PPM1B: variants seen among roughly 807,000 people sequenced by gnomAD.
The protein encoded by PPM1B is protein phosphatase 1B.
Under a neutral mutation model 43.0 loss-of-function variants are expected in PPM1B, and 22 were observed. That is an observed-to-expected ratio of 0.51 (90% CI 0.37 to 0.73). The LOEUF (loss-of-function observed/expected upper bound fraction) is 0.73. Ranked by LOEUF, PPM1B falls within the 30% of genes least tolerant of loss-of-function variation. PPM1B has a pLI of 0.00. For missense variants in PPM1B, 632 were observed against 584.2 expected, an observed-to-expected ratio of 1.08 and a Z score of -0.84; for synonymous variants, 217 against 197.9, an observed-to-expected ratio of 1.10 and a Z score of -0.81.
Position 44,214,643 on chromosome 2 carries a change from G to C in PPM1B, c.965-3324G>C, listed in dbSNP as rs558575044. ...TACTAAGAGGAAGCATCAACATAAG[G>C]GGTTTCTGGCTAAACTGACTTGATA... is the stretch of plus-strand genomic sequence containing the variant. On this transcript the variant is annotated intron_variant, in intron 3 of 5. Coordinates refer to ENST00000282412, the MANE Select transcript of PPM1B (RefSeq NM_002706.6). Among the ~76,000 whole-genome samples, 429 of 152,122 alleles carry C rather than the reference G, an allele frequency of 2.8e-3. 3 individuals carry two copies. The highest frequency in any genetic ancestry group is 0.014 in the South Asian group (66 of 4,814).
intron 1 of PPM1B, among the ~76,000 whole-genome samples, chr2:44,183,568 C>A (rs1312647413): frequency 6.6e-6 from 1 of 152,108 alleles, no homozygotes; most frequent in Non-Finnish European, 1.5e-5. Flanking sequence ...TCATCACCAC[C>A]CAGTAAAGCC....
intron 1 of PPM1B, among the ~76,000 whole-genome samples, chr2:44,190,635 A>T (rs1668365887): frequency 6.6e-6 from 1 of 152,138 alleles, no homozygotes; most frequent in Admixed American, 6.5e-5. Flanking sequence ...GATACATTTA[A>T]ATGAGTTGAT....
chr2:44,228,783 T>C (rs1363036218), intron 5 of PPM1B, among the ~76,000 whole-genome samples: 1 of 152,206 alleles, frequency 6.6e-6, no homozygotes, highest in Non-Finnish European at 1.5e-5. Context: ...TTATTTTTCT[T>C]TTTATATCTA....
downstream of PPM1B, among the ~76,000 whole-genome samples, chr2:44,236,114 G>A (rs960609441): frequency 5.3e-5 from 8 of 151,858 alleles, 1 homozygote; most frequent in South Asian, 1.5e-3. Context: ...TTATAATGAA[G>A]GCCAGGCGCA....
At position 44,180,466 on chromosome 2, in the gene PPM1B, C is replaced by T. The variant is rs75703862; in HGVS notation, c.-15+11192C>T. On this transcript the variant is annotated intron_variant, in intron 1 of 5. Transcript: ENST00000282412. ...AAATAAAATTGCTGGAAATCAAGGACTGCTTGTACTTAGTAAATGTTGCAG... is the reference window on the plus strand; with the variant it reads ...AAATAAAATTGCTGGAAATCAAGGATTGCTTGTACTTAGTAAATGTTGCAG... 2.8e-3 allele frequency among the ~76,000 whole-genome samples: 432 copies of T among 152,292 alleles called. 2 individuals are homozygous for T. Among genetic ancestry groups the T allele is most frequent in the African/African-American group, 0.01 (419 of 41,548 alleles).
chr2:44,209,669 C>T (rs867018108), intron 3 of PPM1B, among the ~76,000 whole-genome samples: 2 of 150,726 alleles, frequency 1.3e-5, no homozygotes, highest in South Asian at 2.1e-4. Flanking sequence ...CCCAGCTACT[C>T]GGGAGGCTGA....
At chr2:44,234,500 A>C, downstream of PPM1B, 1 of 949,164 alleles carries the variant, frequency 1.1e-6, no homozygotes, top group Non-Finnish European at 1.2e-6. Context: ...GCCTGGCGAC[A>C]GAGCGAGACT....
At chr2:44,180,193 A>T (rs968618016) in intron 1 of PPM1B, among the ~76,000 whole-genome samples, 1 of 152,120 alleles carries the variant, frequency 6.6e-6, no homozygotes, top group African/African-American at 2.4e-5. Flanking sequence ...CTTTTCCTTC[A>T]TATATTTCTC....
chr2:44,246,533 G>C (rs546041540), downstream of PPM1B, among the ~76,000 whole-genome samples: 1 of 152,260 alleles, frequency 6.6e-6, no homozygotes, highest in East Asian at 1.9e-4. Context: ...CTCTTCAGTA[G>C]GATGCAAATT....
chr2:44,244,200 A>ATG, intron 5 of PPM1B: 1 of 1,155,068 alleles, frequency 8.7e-7, no homozygotes. Context: ...ATATATATAT[A>ATG]TATTTCAATT....
intron 1 of PPM1B, among the ~76,000 whole-genome samples, chr2:44,183,434 A>T (rs1231078072): frequency 6.6e-6 from 1 of 152,242 alleles, no homozygotes; most frequent in Admixed American, 6.5e-5. Flanking sequence ...AATAATAGGC[A>T]TTTAACTGGA....
chr2:44,193,186 A>G (rs970576437), intron 1 of PPM1B, among the ~76,000 whole-genome samples: 3 of 152,184 alleles, frequency 2.0e-5, no homozygotes, highest in African/African-American at 4.8e-5. Context: ...AACCACCATC[A>G]GTGTACAAAG....
intron 5 of PPM1B, among the ~76,000 whole-genome samples, chr2:44,223,757 G>A (rs762930246): frequency 2.1e-5 from 3 of 141,364 alleles, no homozygotes; most frequent in Non-Finnish European, 4.5e-5. Flanking sequence ...TGGAGCTTGC[G>A]GTGAGCCAAG....
At chr2:44,176,416 T>C (rs1572680632) in intron 1 of PPM1B, among the ~76,000 whole-genome samples, 2 of 152,376 alleles carry the variant, frequency 1.3e-5, no homozygotes, top group East Asian at 3.9e-4. Context: ...TTTGTGCTCT[T>C]AGCAAAGATG....
intron 3 of PPM1B, among the ~76,000 whole-genome samples, chr2:44,217,403 A>G (rs1669773124): frequency 6.6e-6 from 1 of 151,966 alleles, no homozygotes; most frequent in Non-Finnish European, 1.5e-5. Flanking sequence ...CCGTCTCAAA[A>G]AAAAAAAAAA....
chr2:44,220,659 G>A (rs7598385), intron 5 of PPM1B, among the ~76,000 whole-genome samples: 7,663 of 152,258 alleles, frequency 0.05, 648 homozygotes, highest in African/African-American at 0.17. Context: ...AGCTTACACT[G>A]TAGTTATAAA....
At position 44,240,868 on chromosome 2, in the gene PPM1B, C is replaced by G. The variant is rs1481104681; in HGVS notation, n.1547-3360C>G. ...TTGGCTTCCTTACGCAGTGAGCTGT[C>G]TCTTAATACTTTGAAAACATGATGC... On this transcript the variant is annotated intron_variant and non_coding_transcript_variant, in intron 5 of 5. Transcript: ENST00000378540. Among the ~76,000 whole-genome samples the G allele has an allele frequency of 4.1e-5, 6 of 146,122 alleles. 3 individuals carry two copies. The highest frequency in any genetic ancestry group is 7.2e-3 in the Middle Eastern group (2 of 278).
At chr2:44,186,090 G>A (rs911988423) in intron 1 of PPM1B, among the ~76,000 whole-genome samples, 3 of 152,100 alleles carry the variant, frequency 2.0e-5, no homozygotes, top group Non-Finnish European at 4.4e-5. Context: ...TTGTGAATGA[G>A]TATGTTCTGT....
At position 44,169,251 on chromosome 2, in the gene PPM1B, C is replaced by T. The variant is rs1667193689; in HGVS notation, c.-38C>T. ...GCGGGCGCGAGCGAGGCGCCCTAGACATCTTCTCCCTCCCTTGCCTCAGGT... is the reference window on the plus strand; with the variant it reads ...GCGGGCGCGAGCGAGGCGCCCTAGATATCTTCTCCCTCCCTTGCCTCAGGT... On this transcript the variant is annotated 5_prime_UTR_variant, in exon 1 of 6. Transcript: ENST00000282412. 6.5e-6 allele frequency: 1 copy of T among 153,854 alleles called. No individual in the cohort carries two copies. The highest frequency in any genetic ancestry group is 2.4e-5 in the African/African-American group (1 of 41,460). The allele number at this position is 153,854 out of a possible 1,614,324, so 9.5% of individuals were successfully genotyped here. A position where few individuals can be genotyped will look rare whatever the true frequency, so the allele number is the denominator to read the frequency against.
Sources: allele counts gnomAD v4.1 joint callset (sites outside exome capture counted in the v4.1 genomes callset), GRCh38; gene constraint gnomAD v4.1.1; transcripts MANE v1.5; gene names NCBI Gene and HGNC (gene_info 2026-07-23, HGNC 2026-07-21).